The following TRIQK variants were observed in gnomAD, a reference collection of about 807,000 sequenced individuals.
TRIQK encodes the protein triple QxxK/R motif-containing protein.
Under a neutral mutation model 10.8 loss-of-function variants are expected in TRIQK, and 10 were observed. The ratio of observed to expected loss-of-function variants is 0.92; its 90% CI spans 0.57 to 1.57. TRIQK has a LOEUF of 1.57. TRIQK is among the 40% of genes most tolerant of loss of function. The pLI, the probability that TRIQK is intolerant of heterozygous loss-of-function variation, is 0.00. For missense variants in TRIQK, 107 were observed against 97.7 expected (o/e 1.09, Z -0.40); for synonymous variants, 33 against 33.7 (o/e 0.98, Z 0.07).
At chr8:93,009,313 C>G (rs969657503) in intron 1 of TRIQK, among the ~76,000 whole-genome samples, 51 of 152,040 alleles carry the variant, frequency 3.4e-4, no homozygotes, top group African/African-American at 1.2e-3. Context: ...TGGCTGTTAT[C>G]AAAAAGACAA....
chr8:92,921,804 T>C (rs1311903560), intron 2 of TRIQK: 2 of 151,882 alleles, frequency 1.3e-5, no homozygotes, highest in Non-Finnish European at 2.9e-5. Flanking sequence ...CAAACTGTAA[T>C]TTTTCTAAAG....
At chr8:92,932,289 C>G (rs1408063921) in intron 2 of TRIQK, among the ~76,000 whole-genome samples, 3 of 152,156 alleles carry the variant, frequency 2.0e-5, no homozygotes, top group African/African-American at 2.4e-5. Context: ...CTAACTTCTT[C>G]AATCATACAT....
At chr8:92,919,935 A>G (rs1223529039) in intron 2 of TRIQK, among the ~76,000 whole-genome samples, 3 of 151,780 alleles carry the variant, frequency 2.0e-5, no homozygotes, top group Non-Finnish European at 2.9e-5. Context: ...AGTTGTTCTT[A>G]GTAGTCGCTA....
chr8:92,904,660 C>G (rs1004787311), intron 3 of TRIQK, among the ~76,000 whole-genome samples: 2 of 152,120 alleles, frequency 1.3e-5, no homozygotes, highest in Non-Finnish European at 2.9e-5. Flanking sequence ...AGTATACTTA[C>G]AGTCCTACTG....
Position 92,904,097 on chromosome 8 carries a change from C to CA in TRIQK, c.62-12024dup, listed in dbSNP as rs201425681. Reference sequence around the variant, plus strand: ...TTGGAAATATTGAAGTGCAAAGATTCAAAAAACACTAACTCCTAGAAGGAG... The same window carrying CA: ...TTGGAAATATTGAAGTGCAAAGATTCAAAAAAACACTAACTCCTAGAAGGAG... On this transcript the variant is annotated intron_variant, in intron 3 of 4. Transcript: ENST00000521988. Among the ~76,000 whole-genome samples, 530 of 151,740 alleles carry CA rather than the reference C, an allele frequency of 3.5e-3. 5 individuals are homozygous for CA. Among genetic ancestry groups the CA allele is most frequent in the African/African-American group, 0.012 (506 of 41,366 alleles).
chr8:92,968,140 T>C (rs370160707), upstream of TRIQK, among the ~76,000 whole-genome samples: 1 of 152,220 alleles, frequency 6.6e-6, no homozygotes, highest in African/African-American at 2.4e-5. Context: ...AATTGAAATA[T>C]AATTGGCTGC....
intron 2 of TRIQK, among the ~76,000 whole-genome samples, chr8:92,938,505 C>T (rs1027557540): frequency 1.3e-5 from 2 of 151,960 alleles, no homozygotes; most frequent in Admixed American, 1.3e-4. Context: ...GGTCAGACTT[C>T]TCTGAGCTTC....
intron 3 of TRIQK, among the ~76,000 whole-genome samples, chr8:92,906,755 T>C (rs989960776): frequency 3.5e-5 from 5 of 144,000 alleles, no homozygotes; most frequent in African/African-American, 1.3e-4. Context: ...TAGCCGGGCG[T>C]GGTGGCAGGC....
At chr8:92,893,801 T>A (rs540463523) in intron 3 of TRIQK, among the ~76,000 whole-genome samples, 19 of 148,274 alleles carry the variant, frequency 1.3e-4, no homozygotes, top group Non-Finnish European at 2.8e-4. Flanking sequence ...CAAAGTAACT[T>A]CTTGTTTTAT....
intron 2 of TRIQK, among the ~76,000 whole-genome samples, chr8:92,940,422 G>C (rs2130604617): frequency 6.6e-6 from 1 of 151,318 alleles, no homozygotes; most frequent in East Asian, 1.9e-4. Flanking sequence ...TGATAGTGAA[G>C]TAACACAAAA....
At chr8:92,982,285 A>G (rs1422555985) in intron 1 of TRIQK, among the ~76,000 whole-genome samples, 1 of 151,976 alleles carries the variant, frequency 6.6e-6, no homozygotes, top group Admixed American at 6.6e-5. Context: ...AGATTCAGTT[A>G]AAGAAGAGAA....
intron 1 of TRIQK, among the ~76,000 whole-genome samples, chr8:93,005,255 G>C (rs1371427485): frequency 6.6e-6 from 1 of 152,236 alleles, no homozygotes; most frequent in Non-Finnish European, 1.5e-5. Context: ...GAGGAAGCAA[G>C]CACATTTTCT....
intron 4 of TRIQK, among the ~76,000 whole-genome samples, chr8:92,891,715 G>A (rs1490113774): frequency 1.3e-5 from 2 of 151,866 alleles, no homozygotes; most frequent in Non-Finnish European, 2.9e-5. Flanking sequence ...TGAAATGTCT[G>A]AATAATACAC....
At chr8:92,934,483 A>G (rs1810886239) in intron 2 of TRIQK, among the ~76,000 whole-genome samples, 2 of 151,952 alleles carry the variant, frequency 1.3e-5, no homozygotes, top group Non-Finnish European at 2.9e-5. Flanking sequence ...AGAGGAAACA[A>G]AGAGCTCAAG....
At chr8:92,990,073 T>C (rs1394892460) in intron 1 of TRIQK, among the ~76,000 whole-genome samples, 1 of 152,014 alleles carries the variant, frequency 6.6e-6, no homozygotes, top group African/African-American at 2.4e-5. Context: ...AGATTAAAAA[T>C]AAAGTATTGT....
intron 2 of TRIQK, among the ~76,000 whole-genome samples, chr8:92,927,107 C>CA (rs981262117): frequency 1.3e-5 from 2 of 150,434 alleles, no homozygotes; most frequent in African/African-American, 2.4e-5. Context: ...ACCAAGAGAC[C>CA]AAAAAAAATT....
intron 4 of TRIQK, among the ~76,000 whole-genome samples, chr8:92,889,820 CA>C (rs1816671720): frequency 1.3e-5 from 2 of 151,622 alleles, no homozygotes; most frequent in South Asian, 4.2e-4. Context: ...AAGGAAGAGG[CA>C]AAGGGGATAG....
intron 2 of TRIQK, among the ~76,000 whole-genome samples, chr8:92,938,801 G>A (rs1811126767): frequency 6.6e-6 from 1 of 152,116 alleles, no homozygotes; most frequent in Non-Finnish European, 1.5e-5. Flanking sequence ...ACCATAAAGT[G>A]AAAGTTGTGA....
chr8:93,011,205 C>CACACAT (rs769949767), intron 1 of TRIQK, among the ~76,000 whole-genome samples: 142 of 121,584 alleles, frequency 1.2e-3, no homozygotes, highest in Middle Eastern at 8.6e-3. Flanking sequence ...CACACACACA[C>CACACAT]ATATATATAT....
Sources: gnomAD v4.1 joint callset for allele counts (sites outside exome capture counted in the v4.1 genomes callset) on GRCh38, gnomAD v4.1.1 for gene constraint, MANE v1.5 for transcripts, NCBI Gene and HGNC (gene_info 2026-07-23, HGNC 2026-07-21) for gene names.